The following METTL24 variants were observed in gnomAD, a reference collection of about 807,000 sequenced individuals.
METTL24 encodes methyltransferase like 24, also known as probable methyltransferase-like protein 24.
A neutral mutation model predicts 32.7 loss-of-function variants in METTL24; 29 were observed. The observed-to-expected ratio is 0.89, with a 90% CI of 0.66 to 1.21. The LOEUF is 1.21. METTL24 is among the 50% of genes most tolerant of loss of function. The pLI is 0.00. For missense variants in METTL24, 439 were observed against 468.1 expected (o/e 0.94, Z 0.57); for synonymous variants, 163 against 179.5 (o/e 0.91, Z 0.73).
chr6:110,274,442 A>T (rs1044760479), intron 4 of METTL24, among the ~76,000 whole-genome samples: 6 of 152,192 alleles, frequency 3.9e-5, no homozygotes, highest in African/African-American at 1.4e-4. Flanking sequence ...TCTCACTTAT[A>T]AGTGGGACTA....
At position 110,318,651 on chromosome 6, in the gene METTL24, C is replaced by CAAA. The variant is rs56890760; in HGVS notation, c.418-3173_418-3171dup. ...TGGGCAACAGAGCAAGACTCTACCT[C>CAAA]AAAAAAAAAAAAAAAAAAGAAAGAA... On this transcript the variant is annotated intron_variant, in intron 2 of 4. Transcript: ENST00000338882. Among the ~76,000 whole-genome samples the CAAA allele has an allele frequency of 2.6e-3, 236 of 90,490 alleles. 2 individuals carry two copies. Among genetic ancestry groups the CAAA allele is most frequent in the African/African-American group, 5.5e-3 (158 of 28,662 alleles). The allele number at this position is 90,490 out of a possible 152,430, so 59.4% of individuals were successfully genotyped here.
At chr6:110,357,719 ACCC>A (rs761472129) in intron 1 of METTL24, 5 of 193,290 alleles carry the variant, frequency 2.6e-5, no homozygotes, top group Non-Finnish European at 5.2e-5. Flanking sequence ...GGCCACGGCG[ACCC>A]CCAAGTACTG....
intron 4 of METTL24, 91 bp downstream of exon 4, chr6:110,298,831 A>G: frequency 9.3e-7 from 1 of 1,075,858 alleles, no homozygotes; most frequent in South Asian, 1.4e-5. Context: ...TCAGCTATCC[A>G]ATGTCAATGT....
At chr6:110,343,730 A>G (rs1331059715) in intron 1 of METTL24, among the ~76,000 whole-genome samples, 4 of 152,198 alleles carry the variant, frequency 2.6e-5, no homozygotes, top group East Asian at 1.9e-4. Flanking sequence ...AGAAACCCCA[A>G]TGGCCAAGAA....
intron 1 of METTL24, among the ~76,000 whole-genome samples, chr6:110,354,221 T>C (rs1339687889): frequency 6.6e-6 from 1 of 152,228 alleles, no homozygotes; most frequent in African/African-American, 2.4e-5. Flanking sequence ...AGCTAGTTCT[T>C]GCATGGCTCC....
intron 1 of METTL24, among the ~76,000 whole-genome samples, chr6:110,336,511 T>A (rs1418865198): frequency 1.3e-5 from 2 of 151,862 alleles, no homozygotes; most frequent in Admixed American, 1.3e-4. Context: ...GAGGCTGAGG[T>A]GGGCGGATCA....
intron 1 of METTL24, among the ~76,000 whole-genome samples, chr6:110,341,005 T>C (rs1001995076): frequency 1.9e-4 from 29 of 150,290 alleles, no homozygotes; most frequent in Admixed American, 3.4e-4. Context: ...ATGGTTTTAT[T>C]ATTAAAACTT....
chr6:110,286,027 T>A (rs1226113144), intron 4 of METTL24, among the ~76,000 whole-genome samples: 1 of 152,206 alleles, frequency 6.6e-6, no homozygotes, highest in Non-Finnish European at 1.5e-5. Flanking sequence ...TCTGGTCTCA[T>A]GAAAATTCCT....
chr6:110,336,299 C>CGTGTGG (rs1772226509), intron 1 of METTL24, among the ~76,000 whole-genome samples: 1 of 152,228 alleles, frequency 6.6e-6, no homozygotes, highest in South Asian at 2.1e-4. Context: ...TACCAACCCA[C>CGTGTGG]ACTGGCCATG....
intron 4 of METTL24, among the ~76,000 whole-genome samples, chr6:110,263,770 G>C (rs1319913645): frequency 6.6e-6 from 1 of 152,156 alleles, no homozygotes; most frequent in Non-Finnish European, 1.5e-5. Flanking sequence ...TACCAAAACA[G>C]AGATATAGAC....
intron 4 of METTL24, among the ~76,000 whole-genome samples, chr6:110,279,944 G>A (rs1431713183): frequency 1.3e-5 from 2 of 152,164 alleles, no homozygotes; most frequent in African/African-American, 4.8e-5. Flanking sequence ...AAGGCCTCAG[G>A]AAACTTACAA....
At chr6:110,312,528 A>G (rs577852216) in intron 3 of METTL24, among the ~76,000 whole-genome samples, 11 of 152,352 alleles carry the variant, frequency 7.2e-5, no homozygotes, top group African/African-American at 2.4e-4. Context: ...AAAAAAGAAT[A>G]AAATCCTGTC....
At chr6:110,336,462 T>A (rs1273515293) in intron 1 of METTL24, among the ~76,000 whole-genome samples, 1 of 152,220 alleles carries the variant, frequency 6.6e-6, no homozygotes, top group African/African-American at 2.4e-5. Flanking sequence ...GGTTATCAGC[T>A]GGGCGCGGTG....
intron 4 of METTL24, among the ~76,000 whole-genome samples, chr6:110,290,187 G>T (rs558731790): frequency 6.6e-6 from 1 of 152,088 alleles, no homozygotes; most frequent in Non-Finnish European, 1.5e-5. Flanking sequence ...AAAGTGCTGG[G>T]ATTACAGGTG....
At chr6:110,303,593 T>C (rs143562641) in intron 3 of METTL24, among the ~76,000 whole-genome samples, 2,667 of 152,296 alleles carry the variant, frequency 0.018, 75 homozygotes, top group East Asian at 0.12. Flanking sequence ...TCAAAGCTGC[T>C]GTAGCCAGAC....
chr6:110,339,142 A>G (rs564864262), intron 1 of METTL24, among the ~76,000 whole-genome samples: 1 of 152,342 alleles, frequency 6.6e-6, no homozygotes, highest in South Asian at 2.1e-4. Flanking sequence ...ACCTTAAAAC[A>G]TGGTGCCACA....
rs576228215 is a variant in METTL24, at chr6:110,325,547, G to A, written c.319-2675C>T. ...GGGGGTTGACTGAAATAATGCAAGG[G>A]AGACAGACTATGATGTTGTTGGGGC... On this transcript the variant is annotated intron_variant, in intron 1 of 4. Coordinates refer to ENST00000338882, the MANE Select transcript of METTL24 (RefSeq NM_001123364.3). Among the ~76,000 whole-genome samples, 36 of 152,298 alleles carry A rather than the reference G, an allele frequency of 2.4e-4. 1 individual carries two copies. The highest frequency in any genetic ancestry group is 7.7e-4 in the African/African-American group (32 of 41,562).
intron 1 of METTL24, among the ~76,000 whole-genome samples, chr6:110,348,320 ATGAAAATATGAGCCCAT>A (rs1772521813): frequency 6.6e-6 from 1 of 152,274 alleles, no homozygotes; most frequent in Admixed American, 6.5e-5. Flanking sequence ...GACTGCAAGT[ATGAAAATATGAGCCCAT>A]CTTATAGATG....
chr6:110,305,897 T>C (rs1771618852), intron 3 of METTL24, among the ~76,000 whole-genome samples: 1 of 152,228 alleles, frequency 6.6e-6, no homozygotes, highest in South Asian at 2.1e-4. Flanking sequence ...TGCAGCACTA[T>C]TCACAATAGC....
Sources: allele counts gnomAD v4.1 joint callset (sites outside exome capture counted in the v4.1 genomes callset), GRCh38; gene constraint gnomAD v4.1.1; transcripts MANE v1.5; gene names NCBI Gene and HGNC (gene_info 2026-07-23, HGNC 2026-07-21).